STK31: variants seen among roughly 807,000 people sequenced by gnomAD.
STK31 encodes the protein serine/threonine kinase 31, also known as serine/threonine-protein kinase 31.
A neutral mutation model predicts 129.7 loss-of-function variants in STK31; 89 were observed. The observed-to-expected ratio is 0.69, with a 90% CI of 0.58 to 0.82. The LOEUF is 0.82. Among genes scored for constraint, STK31 ranks in the 40% least tolerant of loss-of-function variants. The probability of loss-of-function intolerance (pLI) is 0.00; values close to 1 mark genes in which losing one functional copy is unlikely to be tolerated. For synonymous variants in STK31, 448 were observed against 395.3 expected, an observed-to-expected ratio of 1.13 and a Z score of -1.58; for missense variants, 1,187 against 1,176.4, an observed-to-expected ratio of 1.01 and a Z score of -0.13.
At position 23,829,067 on chromosome 7, in the gene STK31, AT is replaced by A. The variant is rs111754673; in HGVS notation, c.2830-3055del. On this transcript the variant is annotated intron_variant, in intron 23 of 23. Coordinates refer to ENST00000355870, the MANE Select transcript of STK31 (RefSeq NM_031414.5). ...AGGCGCCCGCCATGATGCCCAGCAA[AT>A]TTTTTTTTTTTTTGTATTTTTTAGT... 5.5e-3 allele frequency among the ~76,000 whole-genome samples: 788 copies of A among 143,164 alleles called. 1 individual carries two copies. Among genetic ancestry groups the A allele is most frequent in the Non-Finnish European group, 6.1e-3 (397 of 64,932 alleles). The allele number at this position is 143,164 out of a possible 152,430, so 93.9% of individuals were successfully genotyped here. A position where few individuals can be genotyped will look rare whatever the true frequency, so the allele number is the denominator to read the frequency against.
chr7:23,826,668 T>C (rs956357624), intron 23 of STK31, among the ~76,000 whole-genome samples: 1 of 152,230 alleles, frequency 6.6e-6, no homozygotes, highest in African/African-American at 2.4e-5. Context: ...TTTTGCTTGT[T>C]AGTTGATGCA....
intron 5 of STK31, among the ~76,000 whole-genome samples, chr7:23,728,882 A>G (rs1787236218): frequency 6.6e-6 from 1 of 152,216 alleles, no homozygotes; most frequent in African/African-American, 2.4e-5. Context: ...AACTAGTAAC[A>G]AGTAAAGAAA....
chr7:23,756,803 C>T (rs1257864851), intron 10 of STK31, among the ~76,000 whole-genome samples: 1 of 152,104 alleles, frequency 6.6e-6, no homozygotes, highest in Non-Finnish European at 1.5e-5. Context: ...TATTGATTTG[C>T]GTATGTTGAA....
At chr7:23,804,602 C>T (rs558128716) in intron 22 of STK31, among the ~76,000 whole-genome samples, 17 of 152,100 alleles carry the variant, frequency 1.1e-4, no homozygotes, top group Middle Eastern at 3.4e-3. Context: ...GATTTTATTC[C>T]GACTCTTAAT....
chr7:23,730,874 ATATATTT>A (rs1787375311), intron 6 of STK31, among the ~76,000 whole-genome samples: 1 of 59,732 alleles, frequency 1.7e-5, no homozygotes, highest in Non-Finnish European at 3.3e-5. Flanking sequence ...ATATATATAT[ATATATTT>A]TTTTTTTTTT....
chr7:23,761,452 G>A (rs12669043), intron 10 of STK31, among the ~76,000 whole-genome samples: 9 of 146,364 alleles, frequency 6.1e-5, no homozygotes, highest in Middle Eastern at 3.5e-3. Flanking sequence ...ACGGAGTCTC[G>A]CTCTGTCGCC....
intron 4 of STK31, among the ~76,000 whole-genome samples, chr7:23,726,819 A>G (rs1787114497): frequency 6.6e-6 from 1 of 152,164 alleles, no homozygotes; most frequent in Admixed American, 6.5e-5. Context: ...GGAAATATGA[A>G]TTCCACTATA....
chr7:23,735,350 T>C (rs1280717527), intron 6 of STK31, among the ~76,000 whole-genome samples, 188 bp from the exon 7 acceptor site: 7 of 152,228 alleles, frequency 4.6e-5, no homozygotes, highest in African/African-American at 1.4e-4. Context: ...CTCTACTTGA[T>C]TTTAGCAAGT....
chr7:23,725,521 C>G (rs1268493295), intron 4 of STK31, among the ~76,000 whole-genome samples: 1 of 151,990 alleles, frequency 6.6e-6, no homozygotes, highest in South Asian at 2.1e-4. Flanking sequence ...CCAGCCTGGA[C>G]AACAGAGTAA....
chr7:23,718,861 TA>T (rs763757493), intron 4 of STK31, among the ~76,000 whole-genome samples: 2 of 152,114 alleles, frequency 1.3e-5, no homozygotes, highest in Non-Finnish European at 2.9e-5. Context: ...CACATATATC[TA>T]GAGTAGAATT....
Position 23,752,750 on chromosome 7 carries a change from C to A in STK31, c.1051C>A (p.His351Asn). Residue 351 changes from histidine to asparagine, a missense_variant, in exon 9 of 24, where the codon CAC becomes AAC. By Grantham distance (68) the His-to-Asn change is moderately conservative (BLOSUM62 1). Transcript: ENST00000355870. ...GGCAGCTGCTGTGGATTTGACTAACCACTTAGAATACACTCTGAAGACCTA... is the reference window on the plus strand; with the variant it reads ...GGCAGCTGCTGTGGATTTGACTAACAACTTAGAATACACTCTGAAGACCTA... ...EKAAAVDLTNHLEYTLKTYID... is the reference protein window; with the variant it reads ...EKAAAVDLTNNLEYTLKTYID... 1.2e-6 allele frequency: 2 copies of A among 1,613,648 alleles called. No homozygotes were observed. Among genetic ancestry groups the A allele is most frequent in the Non-Finnish European group, 1.7e-6 (2 of 1,179,776 alleles).
At chr7:23,736,583 AC>A (rs1178509553) in intron 7 of STK31, among the ~76,000 whole-genome samples, 76 of 25,224 alleles carry the variant, frequency 3.0e-3, no homozygotes, top group African/African-American at 0.013. Flanking sequence ...CGGGGGGATC[AC>A]GGGGGGGGGA....
At chr7:23,723,300 C>T (rs528927867) in intron 4 of STK31, among the ~76,000 whole-genome samples, 1 of 152,240 alleles carries the variant, frequency 6.6e-6, no homozygotes, top group South Asian at 2.1e-4. Context: ...AATGAGCATG[C>T]AGATAAGTGT....
intron 3 of STK31, among the ~76,000 whole-genome samples, chr7:23,714,545 A>C (rs4722258): frequency 0.26 from 40,156 of 152,106 alleles, 5,741 homozygotes; most frequent in East Asian, 0.4. Flanking sequence ...ATATATCCAA[A>C]ATATTGTTTC....
At chr7:23,752,993 T>C (rs150000462) in intron 9 of STK31, among the ~76,000 whole-genome samples, 161 bp downstream of exon 9, 239 of 152,356 alleles carry the variant, frequency 1.6e-3, no homozygotes, top group African/African-American at 5.2e-3. Context: ...ATGAATTTTA[T>C]ACTGTTTTTG....
intron 22 of STK31, among the ~76,000 whole-genome samples, chr7:23,813,103 GT>G (rs1235242027): frequency 1.5e-5 from 1 of 65,006 alleles, no homozygotes; most frequent in Non-Finnish European, 3.2e-5. Context: ...TTTTTTGTCT[GT>G]TTTCTCTCTG....
At chr7:23,810,639 A>AT (rs1446332350) in intron 22 of STK31, among the ~76,000 whole-genome samples, 1 of 137,984 alleles carries the variant, frequency 7.2e-6, no homozygotes, top group Non-Finnish European at 1.5e-5. Context: ...TAGATATAAA[A>AT]TATATAAATT....
At chr7:23,762,742 G>T (rs1789546454) in intron 10 of STK31, 59 bp from the exon 11 acceptor site, 1 of 1,582,292 alleles carries the variant, frequency 6.3e-7, no homozygotes, top group South Asian at 1.2e-5. Context: ...TTTCATATAG[G>T]TCATATGCGG....
At chr7:23,785,415 T>C (rs1584443287) in intron 17 of STK31, 63 bp from the exon 18 acceptor site, 1 of 1,579,498 alleles carries the variant, frequency 6.3e-7, no homozygotes, top group Non-Finnish European at 8.6e-7. Flanking sequence ...ACTAATTATT[T>C]TGATGATTTT....
Sources: allele counts gnomAD v4.1 joint callset (sites outside exome capture counted in the v4.1 genomes callset), GRCh38; gene constraint gnomAD v4.1.1; transcripts MANE v1.5; gene names NCBI Gene and HGNC (gene_info 2026-07-23, HGNC 2026-07-21).